The following KIAA0586 variants were observed in gnomAD, a reference collection of about 807,000 sequenced individuals.
The protein encoded by KIAA0586 is protein TALPID3.
In KIAA0586, 144 loss-of-function variants were observed where a neutral mutation model predicts 169.8. The observed-to-expected ratio is 0.85, with a 90% CI of 0.74 to 0.97. The LOEUF is 0.97. KIAA0586 is among the 50% of genes least tolerant of loss of function. KIAA0586 has a pLI of 0.00. For synonymous variants in KIAA0586, 625 were observed against 612.4 expected, an observed-to-expected ratio of 1.02 and a Z score of -0.30; for missense variants, 1,854 against 1,823.0, an observed-to-expected ratio of 1.02 and a Z score of -0.31.
chr14:58,535,180 A>G (rs2046204427), intron 29 of KIAA0586, among the ~76,000 whole-genome samples: 1 of 148,810 alleles, frequency 6.7e-6, no homozygotes. Flanking sequence ...TTTTTAAACT[A>G]TTATGGCATG....
chr14:58,449,393 G>T (rs902674481), intron 7 of KIAA0586, among the ~76,000 whole-genome samples: 7 of 152,172 alleles, frequency 4.6e-5, no homozygotes, highest in African/African-American at 1.7e-4. Context: ...TCCAGGTGTG[G>T]TGGCACATGC....
intron 21 of KIAA0586, 131 bp downstream of exon 21, chr14:58,482,843 C>A: frequency 1.6e-6 from 1 of 644,722 alleles, no homozygotes; most frequent in Non-Finnish European, 2.3e-6. Context: ...TATTTATTGC[C>A]CTGGCTGGTC....
chr14:58,545,048 G>A (rs949466278), intron 30 of KIAA0586, among the ~76,000 whole-genome samples: 1 of 152,082 alleles, frequency 6.6e-6, no homozygotes, highest in Non-Finnish European at 1.5e-5. Flanking sequence ...ACTTCTTGAG[G>A]ATGAGGACTC....
Position 58,448,343 on chromosome 14 carries a change from C to T in KIAA0586, c.811C>T (p.His271Tyr), listed in dbSNP as rs1417240682. 1.9e-6 allele frequency: 3 copies of T among 1,546,870 alleles called. No individual in the cohort carries two copies. The change falls in exon 7 of 31, where the codon CAT (histidine) becomes TAT (tyrosine). Residue 271 changes from histidine to tyrosine, a missense_variant. His to Tyr is a moderately conservative substitution (Grantham distance 83, BLOSUM62 2). Coordinates refer to ENST00000652326, the MANE Select transcript of KIAA0586 (RefSeq NM_001329943.3). Reference protein sequence around the residue: ...LQQQQIDIQTHFISAALKTSS... With the variant: ...LQQQQIDIQTYFISAALKTSS... ...AAAATAATCTTATTTCTTCTAGACT[C>T]ATTTTATTAGTGCTGCACTCAAGAC...
intron 29 of KIAA0586, among the ~76,000 whole-genome samples, chr14:58,528,744 A>G (rs2045760181): frequency 6.6e-6 from 1 of 152,228 alleles, no homozygotes; most frequent in Non-Finnish European, 1.5e-5. Flanking sequence ...TGCCCGCAGG[A>G]GAAAGCAGGA....
Position 58,467,809 on chromosome 14 carries a change from A to T in KIAA0586, c.2329A>T (p.Thr777Ser). Residue 777 changes from threonine to serine, a missense_variant, in exon 16 of 31, where the codon ACT becomes TCT. Transcript: ENST00000652326. ...IVSKPHPVTV[T>S]TSIPPSSRKV... ...CAGCAAGCCACACCCTGTAACTGTG[A>T]CTACTTCTATTCCTCCATCATCTCG... is the stretch of plus-strand genomic sequence containing the variant. The T allele has an allele frequency of 6.2e-7, 1 of 1,613,434 alleles. No individual in the cohort carries two copies. The highest frequency in any genetic ancestry group is 8.5e-7 in the Non-Finnish European group (1 of 1,179,402).
At chr14:58,435,495 C>T (rs568099329) in intron 4 of KIAA0586, among the ~76,000 whole-genome samples, 6 of 152,146 alleles carry the variant, frequency 3.9e-5, no homozygotes, top group Non-Finnish European at 5.9e-5. Flanking sequence ...TCCTTTTAAC[C>T]GTGTAACACA....
chr14:58,553,342 A>G (rs2047228565), downstream of KIAA0586, among the ~76,000 whole-genome samples: 1 of 152,226 alleles, frequency 6.6e-6, no homozygotes, highest in Non-Finnish European at 1.5e-5. Context: ...AGGTCCAGAA[A>G]GAGGCAGGTT....
rs147739527 is a variant in KIAA0586 at position 58,433,744 on chromosome 14, G to C, written c.410+1287G>C. Among the ~76,000 whole-genome samples the C allele has an allele frequency of 2.1e-4, 32 of 152,308 alleles. No homozygotes were observed. In the East Asian group the frequency reaches 6.0e-3, roughly 29 times the overall value. ...ATAAAAGCTGAAGGAAGCTGGGCAT[G>C]GTGGCTCATGCCTGTAGTCCTAGCA... On this transcript the variant is annotated intron_variant, in intron 4 of 30. Coordinates refer to ENST00000652326, the MANE Select transcript of KIAA0586 (RefSeq NM_001329943.3).
At chr14:58,436,668 G>A (rs966639355) in intron 4 of KIAA0586, among the ~76,000 whole-genome samples, 4 of 152,126 alleles carry the variant, frequency 2.6e-5, no homozygotes, top group African/African-American at 4.8e-5. Flanking sequence ...TATACTGTAT[G>A]TATATATTTA....
In KIAA0586 at chr14:58,469,487, T is replaced by A. The variant is rs144934603; in HGVS notation, c.2443-1126T>A. Among the ~76,000 whole-genome samples, 53 of 152,232 alleles carry A rather than the reference T, an allele frequency of 3.5e-4. 3 individuals carry two copies. In the East Asian group the frequency reaches 0.01, roughly 29 times the overall value. ...AGGCTTCGGGAGACCTGGGGACACTTCAGCCTGGACAGCTCCCTGAGCCAA... is the reference window on the plus strand; with the variant it reads ...AGGCTTCGGGAGACCTGGGGACACTACAGCCTGGACAGCTCCCTGAGCCAA... On this transcript the variant is annotated intron_variant, in intron 16 of 30. Coordinates refer to ENST00000652326, the MANE Select transcript of KIAA0586 (RefSeq NM_001329943.3).
chr14:58,438,478 T>C (rs2038022395), intron 4 of KIAA0586, among the ~76,000 whole-genome samples: 1 of 152,172 alleles, frequency 6.6e-6, no homozygotes. Flanking sequence ...CCTTTGTTAC[T>C]TGCTGTTTGG....
At chr14:58,540,010 T>G (rs2046542220) in intron 29 of KIAA0586, 61 bp from the exon 30 acceptor site, 1 of 978,354 alleles carries the variant, frequency 1.0e-6, no homozygotes, top group African/African-American at 1.6e-5. Context: ...TGAATAGGAA[T>G]GAATCATGAT....
At chr14:58,510,992 G>A (rs2044345461) in intron 28 of KIAA0586, among the ~76,000 whole-genome samples, 1 of 152,144 alleles carries the variant, frequency 6.6e-6, no homozygotes, top group Non-Finnish European at 1.5e-5. Context: ...AGAAGGAGAA[G>A]ATAAAAGGGT....
At chr14:58,476,999 G>A (rs1032063174) in intron 19 of KIAA0586, 124 bp from the exon 20 acceptor site, 6 of 559,096 alleles carry the variant, frequency 1.1e-5, no homozygotes, top group Non-Finnish European at 1.9e-5. Context: ...CAGAATGACT[G>A]CTTTCACACC....
chr14:58,505,646 C>A (rs1490237904), intron 27 of KIAA0586, among the ~76,000 whole-genome samples: 1 of 152,114 alleles, frequency 6.6e-6, no homozygotes. Context: ...TTTTTACATA[C>A]CTCAGTAGAA....
intron 30 of KIAA0586, chr14:58,544,022 C>A: frequency 2.3e-6 from 1 of 426,020 alleles, no homozygotes; most frequent in Non-Finnish European, 4.6e-6. Flanking sequence ...TTCCTCTCAC[C>A]CTCCAGTCTC....
chr14:58,486,865 C>A, intron 21 of KIAA0586, 142 bp from the exon 22 acceptor site: 1 of 552,904 alleles, frequency 1.8e-6, no homozygotes, highest in Non-Finnish European at 3.0e-6. Flanking sequence ...CGTAGACTAA[C>A]AGGTAGAGGT....
At chr14:58,450,352 T>A (rs1250164629) in intron 7 of KIAA0586, among the ~76,000 whole-genome samples, 1 of 152,184 alleles carries the variant, frequency 6.6e-6, no homozygotes, top group Non-Finnish European at 1.5e-5. Context: ...CTTCAGTAGT[T>A]CTGAATATTA....
Sources: gnomAD v4.1 joint callset for allele counts (sites outside exome capture counted in the v4.1 genomes callset) on GRCh38, gnomAD v4.1.1 for gene constraint, MANE v1.5 for transcripts, NCBI Gene and HGNC (gene_info 2026-07-23, HGNC 2026-07-21) for gene names.